ZNF589: variants seen among roughly 807,000 people sequenced by gnomAD.
ZNF589 encodes zinc finger protein 589.
In ZNF589, 17 loss-of-function variants were observed where a neutral mutation model predicts 13.6. The observed-to-expected ratio is 1.25, with a 90% CI of 0.86 to 1.88. The LOEUF is 1.88. Among genes scored for constraint, ZNF589 ranks in the 40% most tolerant of loss-of-function variants. The pLI is 0.00. For synonymous variants in ZNF589, 148 were observed against 161.6 expected, an observed-to-expected ratio of 0.92 and a Z score of 0.64; for missense variants, 407 against 434.0, an observed-to-expected ratio of 0.94 and a Z score of 0.55.
Position 48,268,710 on chromosome 3 carries a change from G to A in ZNF589, c.1019G>A (p.Gly340Asp). The change falls in exon 4 of 4, where the codon GGC becomes GAC. Residue 340 changes from glycine (G) to aspartate (D), a missense_variant. Coordinates refer to ENST00000354698, the MANE Select transcript of ZNF589 (RefSeq NM_016089.3). Reference protein sequence around the residue: ...KSFMCTVCGRGFREKSELIKH... With the variant: ...KSFMCTVCGRDFREKSELIKH... Reference sequence around the variant, plus strand: ...TTTATGTGCACAGTGTGTGGGCGAGGCTTTCGTGAAAAGTCAGAGCTCATT... The same window carrying A: ...TTTATGTGCACAGTGTGTGGGCGAGACTTTCGTGAAAAGTCAGAGCTCATT... The A allele has an allele frequency of 3.1e-6, 5 of 1,614,170 alleles. No individual in the cohort carries two copies. Among genetic ancestry groups the A allele is most frequent in the Non-Finnish European group, 4.2e-6 (5 of 1,180,032 alleles).
At chr3:48,260,511 T>A (rs964231471) in intron 2 of ZNF589, among the ~76,000 whole-genome samples, 2 of 152,050 alleles carry the variant, frequency 1.3e-5, no homozygotes, top group African/African-American at 4.8e-5. Flanking sequence ...CAGGTTCAAG[T>A]GATTCTCCTG....
intron 1 of ZNF589, among the ~76,000 whole-genome samples, chr3:48,244,732 G>A (rs751822757): frequency 1.3e-5 from 2 of 151,420 alleles, no homozygotes; most frequent in Non-Finnish European, 2.9e-5. Context: ...CAAGGACAAG[G>A]CTACCCTTAG....
At chr3:48,242,681 T>C (rs1252680268) in intron 1 of ZNF589, among the ~76,000 whole-genome samples, 3 of 152,228 alleles carry the variant, frequency 2.0e-5, no homozygotes, top group Non-Finnish European at 2.9e-5. Flanking sequence ...TTACGACTAG[T>C]GGTCTGCTGT....
intron 2 of ZNF589, 137 bp downstream of exon 2, chr3:48,247,814 C>A: frequency 2.5e-6 from 2 of 798,134 alleles, no homozygotes; most frequent in Admixed American, 3.7e-5. Flanking sequence ...TTGTTCTAGG[C>A]TTATTATAAT....
chr3:48,269,853 C>T lies in ZNF589; in HGVS notation c.*1067C>T. 2.7e-6 allele frequency: 1 copy of T among 364,852 alleles called. No individual in the cohort carries two copies. Among genetic ancestry groups the T allele is most frequent in the Admixed American group, 3.7e-5 (1 of 27,182 alleles). 22.6% of individuals were successfully genotyped at this position (364,852 alleles called of 1,614,324 possible). ...GTCAGAGGACACACTCGGGAGAAACCTTCATGGAGTGAGAGTAAGGTGTTG... is the reference window on the plus strand; with the variant it reads ...GTCAGAGGACACACTCGGGAGAAACTTTCATGGAGTGAGAGTAAGGTGTTG... On this transcript the variant is annotated 3_prime_UTR_variant, in exon 4 of 4. Coordinates refer to ENST00000354698, the MANE Select transcript of ZNF589 (RefSeq NM_016089.3).
rs200096770 is a variant in ZNF589, at chr3:48,268,413, C to A, written c.722C>A (p.Ser241Tyr). 1.5e-4 allele frequency: 240 copies of A among 1,614,196 alleles called. 1 individual carries two copies. The highest frequency in any genetic ancestry group is 3.6e-5 in the Non-Finnish European group (42 of 1,180,040). ...FRQKAVTAEK[S>Y]SDKRQSQVCR... Reference sequence around the variant, plus strand: ...CAGAAGGCAGTCACAGCAGAAAAATCTTCAGACAAAAGGCAGTCACAGGTG... The same window carrying A: ...CAGAAGGCAGTCACAGCAGAAAAATATTCAGACAAAAGGCAGTCACAGGTG... Residue 241 changes from serine (S) to tyrosine (Y), a missense_variant, in exon 4 of 4, where the codon TCT becomes TAT. Ser to Tyr is a moderately radical substitution (Grantham distance 144). Coordinates refer to ENST00000354698, the MANE Select transcript of ZNF589 (RefSeq NM_016089.3).
intron 2 of ZNF589, among the ~76,000 whole-genome samples, chr3:48,260,394 C>T (rs1245310571): frequency 1.3e-5 from 2 of 151,830 alleles, no homozygotes; most frequent in Non-Finnish European, 2.9e-5. Flanking sequence ...CTCATGTCAG[C>T]CTCCCAAGTA....
At position 48,268,101 on chromosome 3, in the gene ZNF589, A is replaced by T. The variant is rs2034039200; in HGVS notation, c.410A>T (p.His137Leu). 1 of 1,614,220 alleles carries T rather than the reference A, an allele frequency of 6.2e-7. No individual in the cohort carries two copies. Among genetic ancestry groups the T allele is most frequent in the East Asian group, 2.2e-5 (1 of 44,886 alleles). Residue 137 changes from histidine to leucine, a missense_variant, in exon 4 of 4, where the codon CAC becomes CTC. Transcript: ENST00000354698. ...PQSQHPSDKN[H>L]RGAEAEDQRV... ...TCACAACATCCTTCTGATAAAAATC[A>T]CAGGGGGGCTGAAGCAGAAGATCAA...
intron 1 of ZNF589, 75 bp from the exon 2 acceptor site, chr3:48,247,550 T>C (rs561422060): frequency 6.4e-7 from 1 of 1,570,984 alleles, no homozygotes; most frequent in African/African-American, 1.4e-5. Flanking sequence ...CAGCCAAGGC[T>C]CAGAGGGCTC....
intron 2 of ZNF589, among the ~76,000 whole-genome samples, chr3:48,255,329 C>T (rs2033886370): frequency 6.6e-6 from 1 of 151,658 alleles, no homozygotes; most frequent in Non-Finnish European, 1.5e-5. Context: ...GTGTGCGCCA[C>T]CACGCCCAGC....
chr3:48,270,362 C>A lies in ZNF589; in HGVS notation c.*1576C>A. The A allele has an allele frequency of 2.6e-6, 1 of 387,798 alleles. No homozygotes were observed. Among genetic ancestry groups the A allele is most frequent in the Non-Finnish European group, 5.1e-6 (1 of 197,052 alleles). 24.0% of individuals were successfully genotyped at this position (387,798 alleles called of 1,614,324 possible). ...CTTCAATGACAGGGATCTAGCAATG[C>A]TGCATCATCAGCCTTCCAATACCAG... On this transcript the variant is annotated 3_prime_UTR_variant, in exon 4 of 4. Coordinates refer to ENST00000354698, the MANE Select transcript of ZNF589 (RefSeq NM_016089.3).
chr3:48,246,223 C>G (rs551704094), intron 1 of ZNF589, among the ~76,000 whole-genome samples: 1 of 152,160 alleles, frequency 6.6e-6, no homozygotes, highest in African/African-American at 2.4e-5. Context: ...GGGAGGATCA[C>G]TTGAGCCCAG....
At chr3:48,260,284 C>T (rs949343896) in intron 2 of ZNF589, among the ~76,000 whole-genome samples, 1 of 152,038 alleles carries the variant, frequency 6.6e-6, no homozygotes, top group African/African-American at 2.4e-5. Context: ...ACTACAGGTG[C>T]ACACCACCAT....
At chr3:48,262,856 GA>G (rs540251808) in intron 3 of ZNF589, among the ~76,000 whole-genome samples, 3 of 150,924 alleles carry the variant, frequency 2.0e-5, no homozygotes, top group South Asian at 2.1e-4. Flanking sequence ...TCACCAATAT[GA>G]AAAAAAAATA....
chr3:48,250,567 G>C (rs2033826635), intron 2 of ZNF589, among the ~76,000 whole-genome samples: 1 of 151,562 alleles, frequency 6.6e-6, no homozygotes, highest in South Asian at 2.1e-4. Context: ...CGTCTCCTGG[G>C]TTCAAGTGAT....
At chr3:48,244,402 A>G (rs2033736750) in intron 1 of ZNF589, among the ~76,000 whole-genome samples, 2 of 152,146 alleles carry the variant, frequency 1.3e-5, no homozygotes, top group Non-Finnish European at 2.9e-5. Context: ...AAATTACCCC[A>G]GACAGTTATC....
chr3:48,246,909 C>T (rs1000707299), intron 1 of ZNF589, among the ~76,000 whole-genome samples: 7 of 152,130 alleles, frequency 4.6e-5, no homozygotes, highest in African/African-American at 1.7e-4. Context: ...ACCTTGTGAT[C>T]GGCCTGCCTC....
chr3:48,262,729 G>A (rs557901513), intron 3 of ZNF589, among the ~76,000 whole-genome samples: 19 of 151,848 alleles, frequency 1.3e-4, no homozygotes, highest in African/African-American at 4.1e-4. Flanking sequence ...TGTAGCCCAC[G>A]GATTTGTTTG....
chr3:48,247,288 A>G (rs529276589), intron 1 of ZNF589, among the ~76,000 whole-genome samples: 1 of 151,430 alleles, frequency 6.6e-6, no homozygotes, highest in Middle Eastern at 3.4e-3. Context: ...TTCATAAATT[A>G]AAAAAAAACA....
Sources: gnomAD v4.1 joint callset for allele counts (sites outside exome capture counted in the v4.1 genomes callset) on GRCh38, gnomAD v4.1.1 for gene constraint, MANE v1.5 for transcripts, NCBI Gene and HGNC (gene_info 2026-07-23, HGNC 2026-07-21) for gene names.